BCL9: variants seen among roughly 807,000 people sequenced by gnomAD.
BCL9 encodes B-cell CLL/lymphoma 9 protein.
BCL9 carries 25 observed loss-of-function variants against 88.5 expected under a neutral mutation model. The observed-to-expected ratio is 0.28, with a 90% CI of 0.21 to 0.39. The LOEUF (loss-of-function observed/expected upper bound fraction) is 0.39. BCL9 is among the 10% of genes least tolerant of loss of function. The pLI is 1.00. For missense variants in BCL9, 1,817 were observed against 1,877.8 expected (o/e 0.97, Z 0.60); for synonymous variants, 711 against 673.3 (o/e 1.06, Z -0.87).
At chr1:147,609,242 C>T (rs1243587239) in intron 3 of BCL9, among the ~76,000 whole-genome samples, 3 of 152,172 alleles carry the variant, frequency 2.0e-5, no homozygotes, top group African/African-American at 7.2e-5. Context: ...TCCTGAAGAG[C>T]CTAATTTTAT....
chr1:147,577,870 G>GTGTGTGTGTGTT (rs1318682168), intron 1 of BCL9, among the ~76,000 whole-genome samples: 5 of 150,958 alleles, frequency 3.3e-5, no homozygotes, highest in Non-Finnish European at 7.4e-5. Context: ...GTGTGTGTGT[G>GTGTGTGTGTGTT]TATAAATGTC....
chr1:147,549,387 A>T (rs1264516834), intron 1 of BCL9, among the ~76,000 whole-genome samples: 5 of 152,148 alleles, frequency 3.3e-5, no homozygotes, highest in African/African-American at 1.2e-4. Context: ...TCAAAGAATC[A>T]CAGATGATAA....
chr1:147,620,404 T>C lies in BCL9; in HGVS notation c.2249T>C (p.Leu750Ser), dbSNP rs1329246675. The C allele has an allele frequency of 6.2e-7, 1 of 1,613,938 alleles. No homozygotes were observed. ...GCGGGCCCTGAGGAGATGCTGAAATTACGCCCAGGTGGCTCAGACATGCTG... is the reference window on the plus strand; with the variant it reads ...GCGGGCCCTGAGGAGATGCTGAAATCACGCCCAGGTGGCTCAGACATGCTG... The part of the protein sequence containing the change: ...AGAGPEEMLK[L>S]RPGGSDMLPA... The change falls in exon 8 of 10, where the codon TTA becomes TCA. Residue 750 changes from leucine (L) to serine (S), a missense_variant. By Grantham distance (145) the Leu-to-Ser change is moderately radical. Coordinates refer to ENST00000234739, the MANE Select transcript of BCL9 (RefSeq NM_004326.4).
At chr1:147,552,889 C>A in intron 1 of BCL9, among the ~76,000 whole-genome samples, 1 of 152,054 alleles carries the variant, frequency 6.6e-6, no homozygotes, top group East Asian at 1.9e-4. Context: ...AGTTCTTGTG[C>A]AGTACAAAGG....
chr1:147,589,644 C>A (rs1656765769), intron 1 of BCL9, among the ~76,000 whole-genome samples: 1 of 152,130 alleles, frequency 6.6e-6, no homozygotes, highest in South Asian at 2.1e-4. Context: ...TGAGGTACAT[C>A]CATGTTGTAG....
chr1:147,613,324 G>C, intron 5 of BCL9, 125 bp downstream of exon 5: 1 of 922,240 alleles, frequency 1.1e-6, no homozygotes, highest in Non-Finnish European at 1.7e-6. Flanking sequence ...TCAGATTCAT[G>C]AGTTCTCACA....
chr1:147,547,001 T>TG (rs1654635370), intron 1 of BCL9, among the ~76,000 whole-genome samples: 3 of 374 alleles, frequency 8.0e-3, no homozygotes, highest in African/African-American at 0.014. Flanking sequence ...ATAAAAATCG[T>TG]GTTTTTTTTT....
intron 5 of BCL9, 32 bp downstream of exon 5, chr1:147,613,231 G>T: frequency 6.2e-7 from 1 of 1,611,382 alleles, no homozygotes; most frequent in South Asian, 1.1e-5. Flanking sequence ...GACTCAGAGG[G>T]AAGTAGGTGT....
rs185228250 is a variant in BCL9 at position 147,583,306 on chromosome 1, C to A, written c.-477-21471C>A. Among the ~76,000 whole-genome samples, 202 of 152,114 alleles carry A rather than the reference C, an allele frequency of 1.3e-3. 1 individual carries two copies. The highest frequency in any genetic ancestry group is 2.0e-3 in the Admixed American group (30 of 15,266). On this transcript the variant is annotated intron_variant, in intron 1 of 9. Coordinates refer to ENST00000234739, the MANE Select transcript of BCL9 (RefSeq NM_004326.4). ...ATTTTTACTTTTTTTGAGATGGACT[C>A]TTGCTCTGTTCCCCAGGCTGGAGTG... is the stretch of plus-strand genomic sequence containing the variant.
At chr1:147,600,189 G>GCGCCGCCGACGGCGC (rs1553201071) in intron 1 of BCL9, 1 of 160,708 alleles carries the variant, frequency 6.2e-6, no homozygotes, top group Non-Finnish European at 1.3e-5. Context: ...GAGTGGGACG[G>GCGCCGCCGACGGCGC]CGCCGCCGCC....
At position 147,541,546 on chromosome 1, in the gene BCL9, C is replaced by G. The variant is rs1553193803; in HGVS notation, c.-606C>G. Reference sequence around the variant, plus strand: ...CCCCTAAAGTGTTCCCCCTAAGTTGCTTTGATGTTGTCCTGGTGTCTTGAT... The same window carrying G: ...CCCCTAAAGTGTTCCCCCTAAGTTGGTTTGATGTTGTCCTGGTGTCTTGAT... On this transcript the variant is annotated 5_prime_UTR_variant, in exon 1 of 10. Transcript: ENST00000234739. 6.6e-6 allele frequency: 1 copy of G among 152,138 alleles called. No individual in the cohort carries two copies. The highest frequency in any genetic ancestry group is 1.5e-5 in the Non-Finnish European group (1 of 68,078). The allele number at this position is 152,138 out of a possible 1,614,324, so 9.4% of individuals were successfully genotyped here. A position where few individuals can be genotyped will look rare whatever the true frequency, so the allele number is the denominator to read the frequency against.
Position 147,620,169 on chromosome 1 carries a change from G to C in BCL9, c.2014G>C (p.Gly672Arg). ...AGGCTCCCAGCGCCACATGGAGCCTGGGAATAACCCCATTTTCCCTCGAAT... is the reference window on the plus strand; with the variant it reads ...AGGCTCCCAGCGCCACATGGAGCCTCGGAATAACCCCATTTTCCCTCGAAT... Reference protein sequence around the residue: ...IPGSQRHMEPGNNPIFPRIPV... With the variant: ...IPGSQRHMEPRNNPIFPRIPV... Residue 672 changes from glycine (G) to arginine (R), a missense_variant, in exon 8 of 10, where the codon GGG becomes CGG. Physicochemically the swap from Gly to Arg is moderately radical, Grantham distance 125. Around this residue, in one of 2 missense-constraint regions of BCL9, gnomAD observed 1,228 missense variants for 1,191.6 expected, o/e 1.03. Transcript: ENST00000234739. 6.2e-7 allele frequency: 1 copy of C among 1,614,118 alleles called. No homozygotes were observed. The highest frequency in any genetic ancestry group is 8.5e-7 in the Non-Finnish European group (1 of 1,180,010).
intron 7 of BCL9, among the ~76,000 whole-genome samples, chr1:147,617,069 G>A (rs1294976870): frequency 4.6e-5 from 7 of 152,188 alleles, no homozygotes; most frequent in African/African-American, 1.7e-4. Context: ...GACATAAGCA[G>A]AGCTTAGGCC....
rs781896625 is a variant in BCL9, at chr1:147,624,247, C to T, written c.3569C>T (p.Ala1190Val). 1.4e-5 allele frequency: 22 copies of T among 1,614,072 alleles called. 1 individual carries two copies. The highest frequency in any genetic ancestry group is 1.6e-4 in the Middle Eastern group (1 of 6,084). ...AACCTGCCCCAAAGTTCAGCAGATG[C>T]AGCACTTTGCAAGCCTGGAGGCCCC... is the stretch of plus-strand genomic sequence containing the variant. ...PSNLPQSSAD[A>V]ALCKPGGPGG... Residue 1190 changes from alanine to valine, a missense_variant, in exon 10 of 10, where the codon GCA becomes GTA. Physicochemically the swap from Ala to Val is moderately conservative, Grantham distance 64. Transcript: ENST00000234739. This position sits in a 1 kb window ranked among gnomAD's most constrained non-coding sequence, Gnocchi z 4.4.
intron 1 of BCL9, among the ~76,000 whole-genome samples, chr1:147,550,799 T>G (rs2101472158): frequency 6.6e-6 from 1 of 152,352 alleles, no homozygotes; most frequent in East Asian, 1.9e-4. Context: ...GGTTATTTAT[T>G]CTCTCGGAAA....
intron 9 of BCL9, among the ~76,000 whole-genome samples, chr1:147,623,453 CTGATCATTGGGA>C (rs1339111806): frequency 6.6e-6 from 1 of 152,154 alleles, no homozygotes; most frequent in Non-Finnish European, 1.5e-5. Context: ...GTTATGATTC[CTGATCATTGGGA>C]TTGTAGTACT....
At position 147,613,203 on chromosome 1, in the gene BCL9, T is replaced by G. The variant is rs1184290604; in HGVS notation, c.370+4T>G. 3.1e-6 allele frequency: 5 copies of G among 1,614,172 alleles called. No individual in the cohort carries two copies. The highest frequency in any genetic ancestry group is 3.4e-6 in the Non-Finnish European group (4 of 1,180,002). ...AACGATGACTCTGACATTAAAGGTA[T>G]GTCTATAAGATCTTTGAGACTCAGA... On this transcript the variant is annotated splice_donor_region_variant and intron_variant, in intron 5 of 9. Transcript: ENST00000234739.
At chr1:147,591,011 G>A (rs1656821853) in intron 1 of BCL9, among the ~76,000 whole-genome samples, 2 of 152,168 alleles carry the variant, frequency 1.3e-5, no homozygotes, top group Admixed American at 1.3e-4. Context: ...GAGAAAGGCA[G>A]TGCAGGATAG....
intron 8 of BCL9, 21 bp from the exon 9 acceptor site, chr1:147,622,250 T>C: frequency 6.2e-7 from 1 of 1,613,480 alleles, no homozygotes; most frequent in Non-Finnish European, 8.5e-7. Context: ...GCCCGTTTTG[T>C]TTTATTTTGC....
Sources: allele counts gnomAD v4.1 joint callset (sites outside exome capture counted in the v4.1 genomes callset), GRCh38; gene constraint gnomAD v4.1.1; regional missense constraint gnomAD v4.1.1; non-coding constraint Gnocchi (gnomAD v3.1); transcripts MANE v1.5; gene names NCBI Gene and HGNC (gene_info 2026-07-23, HGNC 2026-07-21).